OLFM3: variants seen among roughly 807,000 people sequenced by gnomAD.
OLFM3 encodes noelin-3.
In OLFM3, 20 loss-of-function variants were observed where a neutral mutation model predicts 48.6. The observed-to-expected ratio is 0.41, with a 90% confidence interval of 0.29 to 0.60. OLFM3 has a LOEUF of 0.60. Ranked by LOEUF, OLFM3 falls within the 20% of genes least tolerant of loss-of-function variation. OLFM3 has a pLI of 0.28. For synonymous variants in OLFM3, 222 were observed against 198.1 expected (o/e 1.12, Z -1.01); for missense variants, 437 against 544.3 (o/e 0.80, Z 1.96).
At chr1:101,935,217 T>C (rs1357203868) in intron 1 of OLFM3, among the ~76,000 whole-genome samples, 1 of 150,164 alleles carries the variant, frequency 6.7e-6, no homozygotes, top group African/African-American at 2.5e-5. Context: ...ATAAGATTGA[T>C]AGACCACTAA....
intron 1 of OLFM3, among the ~76,000 whole-genome samples, chr1:101,931,969 AAATAATTGTTT>A (rs1354379722): frequency 6.6e-6 from 1 of 152,214 alleles, no homozygotes; most frequent in Non-Finnish European, 1.5e-5. Flanking sequence ...TACAATAATG[AAATAATTGTTT>A]ATTATAGGGC....
At chr1:101,938,157 C>T (rs182844681) in intron 1 of OLFM3, among the ~76,000 whole-genome samples, 1 of 152,286 alleles carries the variant, frequency 6.6e-6, no homozygotes, top group East Asian at 1.9e-4. Context: ...TGCTTTCTTT[C>T]CTCAATATTT....
intron 4 of OLFM3, among the ~76,000 whole-genome samples, chr1:101,809,745 G>A (rs1210199128): frequency 6.6e-6 from 1 of 151,812 alleles, no homozygotes; most frequent in African/African-American, 2.4e-5. Flanking sequence ...TAATGCAGAG[G>A]CATTTATTGA....
intron 1 of OLFM3, among the ~76,000 whole-genome samples, chr1:101,920,892 A>C (rs954046126): frequency 2.0e-4 from 30 of 152,248 alleles, no homozygotes; most frequent in African/African-American, 7.0e-4. Context: ...AAACATCTGA[A>C]AGCTATTACA....
intron 1 of OLFM3, among the ~76,000 whole-genome samples, chr1:101,933,025 A>G (rs1294505850): frequency 3.3e-5 from 5 of 151,928 alleles, no homozygotes; most frequent in Non-Finnish European, 4.4e-5. Context: ...AACACGATGA[A>G]ACCCATCTCT....
intron 1 of OLFM3, among the ~76,000 whole-genome samples, chr1:101,938,415 A>G (rs1478520283): frequency 6.6e-6 from 1 of 152,334 alleles, no homozygotes; most frequent in East Asian, 1.9e-4. Flanking sequence ...AAATGCATGC[A>G]TGAGTCCTTA....
intron 1 of OLFM3, among the ~76,000 whole-genome samples, chr1:101,911,742 G>C (rs974443782): frequency 6.6e-6 from 1 of 152,144 alleles, no homozygotes; most frequent in Non-Finnish European, 1.5e-5. Flanking sequence ...GGCTAAACCA[G>C]ACTAAGAAGC....
At chr1:101,857,337 C>T (rs758422986) in intron 1 of OLFM3, among the ~76,000 whole-genome samples, 8 of 151,820 alleles carry the variant, frequency 5.3e-5, no homozygotes, top group Non-Finnish European at 1.0e-4. Context: ...GAGAACCTTG[C>T]ATTATCAAGA....
chr1:101,941,338 A>C (rs989264899), intron 1 of OLFM3, among the ~76,000 whole-genome samples: 1 of 152,162 alleles, frequency 6.6e-6, no homozygotes, highest in Admixed American at 6.5e-5. Context: ...GTGGCTCAGC[A>C]GGGAAGGGTA....
intron 1 of OLFM3, among the ~76,000 whole-genome samples, chr1:101,905,533 T>C (rs1216445697): frequency 6.6e-6 from 1 of 152,130 alleles, no homozygotes; most frequent in Non-Finnish European, 1.5e-5. Flanking sequence ...ATTTGCTCTG[T>C]AAGGGTTCCA....
Position 101,953,839 on chromosome 1 carries a change from C to T in OLFM3, c.69+42909G>A, listed in dbSNP as rs187737802. 2.3e-3 allele frequency among the ~76,000 whole-genome samples: 352 copies of T among 151,988 alleles called. 3 individuals carry two copies. The highest frequency in any genetic ancestry group is 8.8e-4 in the Non-Finnish European group (60 of 67,942). Reference sequence around the variant, plus strand: ...ATATTTAGCACGGGCTGTATTAGTCCCTGGGTAAAAAAGATAAGAGAGTGA... The same window carrying T: ...ATATTTAGCACGGGCTGTATTAGTCTCTGGGTAAAAAAGATAAGAGAGTGA... On this transcript the variant is annotated intron_variant, in intron 1 of 5. Coordinates refer to ENST00000370103, the MANE Select transcript of OLFM3 (RefSeq NM_058170.4).
chr1:101,830,558 T>C (rs1655095237), intron 3 of OLFM3, 114 bp downstream of exon 3: 4 of 1,112,512 alleles, frequency 3.6e-6, no homozygotes, highest in Non-Finnish European at 4.0e-6. Context: ...CCCATGAGTC[T>C]TTTACCTTGC....
chr1:101,976,882 A>T (rs1193751975), intron 1 of OLFM3, among the ~76,000 whole-genome samples: 1 of 152,176 alleles, frequency 6.6e-6, no homozygotes, highest in Non-Finnish European at 1.5e-5. Context: ...ATACATTAAT[A>T]GATGTACTTG....
rs78977261 is a variant in OLFM3 at position 101,847,307 on chromosome 1, T to C, written c.70-10282A>G. 3.6e-4 allele frequency among the ~76,000 whole-genome samples: 54 copies of C among 152,072 alleles called. No individual in the cohort carries two copies. In the East Asian group the frequency reaches 0.01, roughly 28 times the overall value. ...CTTTAGTTAGTTACCATCAACAGAA[T>C]CCATTTCCTCTGGGGTTTGTGTAAG... On this transcript the variant is annotated intron_variant, in intron 1 of 5. Transcript: ENST00000370103.
At chr1:101,864,001 A>C (rs981557672) in intron 1 of OLFM3, among the ~76,000 whole-genome samples, 7 of 152,156 alleles carry the variant, frequency 4.6e-5, no homozygotes, top group African/African-American at 1.7e-4. Flanking sequence ...CTGAGACCCC[A>C]TGGGGAAAAC....
intron 1 of OLFM3, among the ~76,000 whole-genome samples, chr1:101,951,300 G>T (rs939555156): frequency 2.0e-5 from 3 of 152,058 alleles, no homozygotes; most frequent in African/African-American, 7.3e-5. Flanking sequence ...ACTGAAGTTT[G>T]TTTGTTTATG....
chr1:101,899,202 C>T (rs1050046994), intron 1 of OLFM3, among the ~76,000 whole-genome samples: 12 of 152,228 alleles, frequency 7.9e-5, no homozygotes, highest in Admixed American at 6.5e-4. Flanking sequence ...AACTCAATCA[C>T]ATGGTTATTG....
At chr1:101,961,889 GAGA>G (rs1660477776) in intron 1 of OLFM3, among the ~76,000 whole-genome samples, 2 of 152,136 alleles carry the variant, frequency 1.3e-5, no homozygotes, top group African/African-American at 4.8e-5. Flanking sequence ...AGAGAGTTCT[GAGA>G]AGATCTCAGG....
intron 1 of OLFM3, among the ~76,000 whole-genome samples, chr1:101,844,892 T>C (rs1183619626): frequency 6.6e-6 from 1 of 152,194 alleles, no homozygotes; most frequent in African/African-American, 2.4e-5. Context: ...TCCACCTTTC[T>C]AGCATTAACA....
Sources: gnomAD v4.1 joint callset for allele counts (sites outside exome capture counted in the v4.1 genomes callset) on GRCh38, gnomAD v4.1.1 for gene constraint, MANE v1.5 for transcripts, NCBI Gene and HGNC (gene_info 2026-07-23, HGNC 2026-07-21) for gene names.